Variants in HSD17B3 observed in about 807,000 individuals in gnomAD.
The protein encoded by HSD17B3 is 17-beta-hydroxysteroid dehydrogenase type 3.
In HSD17B3, 29 loss-of-function variants were observed where a neutral mutation model predicts 41.1. The observed-to-expected ratio is 0.71, with a 90% CI of 0.53 to 0.96. The LOEUF (loss-of-function observed/expected upper bound fraction) is 0.96. HSD17B3 is among the 40% of genes least tolerant of loss of function. HSD17B3 has a pLI of 0.00. For synonymous variants in HSD17B3, 126 were observed against 145.6 expected, an observed-to-expected ratio of 0.87 and a Z score of 0.97; for missense variants, 323 against 374.6, an observed-to-expected ratio of 0.86 and a Z score of 1.14.
chr9:96,236,807 T>C (rs576566777), intron 10 of HSD17B3, among the ~76,000 whole-genome samples: 1 of 152,036 alleles, frequency 6.6e-6, no homozygotes, highest in Admixed American at 6.6e-5. Flanking sequence ...AGTTCTGGGG[T>C]CCAGGACCCC....
chr9:96,285,789 T>G (rs1004906790), intron 2 of HSD17B3, among the ~76,000 whole-genome samples: 1 of 152,182 alleles, frequency 6.6e-6, no homozygotes, highest in Non-Finnish European at 1.5e-5. Context: ...AGCAGGAATA[T>G]CATTGCCCCT....
intron 2 of HSD17B3, among the ~76,000 whole-genome samples, chr9:96,280,679 C>T (rs1826656219): frequency 6.6e-6 from 1 of 152,114 alleles, no homozygotes; most frequent in African/African-American, 2.4e-5. Flanking sequence ...TGAAATGAGG[C>T]TGAGACCTAC....
intron 2 of HSD17B3, among the ~76,000 whole-genome samples, chr9:96,260,394 G>A (rs1825815216): frequency 6.6e-6 from 1 of 152,178 alleles, no homozygotes; most frequent in Admixed American, 6.5e-5. Flanking sequence ...TTATGGCAGT[G>A]AAAGAGATCT....
chr9:96,284,135 T>C (rs1826812953), intron 2 of HSD17B3, among the ~76,000 whole-genome samples: 1 of 149,272 alleles, frequency 6.7e-6, no homozygotes, highest in African/African-American at 2.5e-5. Context: ...GGCAGGAGAA[T>C]TGCTTGAACC....
At chr9:96,264,332 G>A (rs576477059) in intron 2 of HSD17B3, among the ~76,000 whole-genome samples, 1 of 152,072 alleles carries the variant, frequency 6.6e-6, no homozygotes, top group African/African-American at 2.4e-5. Flanking sequence ...GAATAGAAAT[G>A]GGGGGTGGGA....
chr9:96,254,432 T>TA (rs1825546112), intron 3 of HSD17B3, among the ~76,000 whole-genome samples: 1 of 152,236 alleles, frequency 6.6e-6, no homozygotes, highest in Non-Finnish European at 1.5e-5. Flanking sequence ...TAATTATTTT[T>TA]AAAATTCAGC....
In HSD17B3 at chr9:96,250,625, G is replaced by A. The variant is rs558679052; in HGVS notation, c.453+793C>T. 27 of 280,152 alleles carry A rather than the reference G, an allele frequency of 9.6e-5. 1 individual carries two copies. In the South Asian group the frequency reaches 3.3e-3, roughly 34 times the overall value. 17.4% of individuals were successfully genotyped at this position (280,152 alleles called of 1,614,324 possible). ...AATGCGGCCGGGCGCAGTGGTTCAC[G>A]CCTGTCATCCCAGCACTTTGGGAGG... On this transcript the variant is annotated intron_variant, in intron 5 of 10. Transcript: ENST00000375263.
At chr9:96,251,961 T>C (rs1481751180) in intron 4 of HSD17B3, among the ~76,000 whole-genome samples, 1 of 152,230 alleles carries the variant, frequency 6.6e-6, no homozygotes, top group African/African-American at 2.4e-5. Flanking sequence ...ATTTTTAAAA[T>C]TCAGCAGAAG....
intron 2 of HSD17B3, among the ~76,000 whole-genome samples, chr9:96,277,311 A>G (rs1313124407): frequency 6.6e-6 from 1 of 152,248 alleles, no homozygotes; most frequent in African/African-American, 2.4e-5. Flanking sequence ...TTTGCCAACT[A>G]CATGTCTGAT....
intron 2 of HSD17B3, among the ~76,000 whole-genome samples, chr9:96,276,667 C>A (rs938287576): frequency 1.3e-5 from 2 of 152,136 alleles, no homozygotes; most frequent in Non-Finnish European, 2.9e-5. Flanking sequence ...AAGATAGTCT[C>A]TTCAACAAAT....
chr9:96,256,202 T>C (rs1187274216), intron 2 of HSD17B3: 1 of 152,198 alleles, frequency 6.6e-6, no homozygotes, highest in Non-Finnish European at 1.5e-5. Flanking sequence ...CATAACAAAA[T>C]CTACCACCTT....
chr9:96,282,839 T>C (rs1564056062), intron 2 of HSD17B3, among the ~76,000 whole-genome samples: 1 of 152,178 alleles, frequency 6.6e-6, no homozygotes, highest in Non-Finnish European at 1.5e-5. Flanking sequence ...GATTAAAAGG[T>C]TAAAAGTTTA....
At chr9:96,284,868 T>C (rs1302920945) in intron 2 of HSD17B3, among the ~76,000 whole-genome samples, 1 of 150,900 alleles carries the variant, frequency 6.6e-6, no homozygotes, top group Non-Finnish European at 1.5e-5. Context: ...AAACGGAGTC[T>C]TGCTCTGTCG....
chr9:96,238,942 G>A (rs1475228457), intron 10 of HSD17B3, among the ~76,000 whole-genome samples: 1 of 152,232 alleles, frequency 6.6e-6, no homozygotes, highest in Non-Finnish European at 1.5e-5. Context: ...GGTTTTTCCA[G>A]CTTCCTTCAG....
At chr9:96,251,318 G>T in intron 5 of HSD17B3, 100 bp downstream of exon 5, 1 of 963,938 alleles carries the variant, frequency 1.0e-6, no homozygotes, top group Non-Finnish European at 1.7e-6. Context: ...TCGGCCAGAT[G>T]CATGCTTCCA....
At position 96,245,442 on chromosome 9, in the gene HSD17B3, G is replaced by A. The variant is rs930325221; in HGVS notation, c.525-16C>T. 4.4e-6 allele frequency: 7 copies of A among 1,604,956 alleles called. No individual in the cohort carries two copies. The highest frequency in any genetic ancestry group is 2.7e-5 in the African/African-American group (2 of 74,870). The stretch of plus-strand genomic sequence containing the variant: ...ACCTTTCTGCCTGAAAGGCAAAGAA[G>A]CAAAGTTCCCATGGCTTTGTTGCCC... On this transcript the variant is annotated splice_polypyrimidine_tract_variant and intron_variant, in intron 7 of 10. Coordinates refer to ENST00000375263, the MANE Select transcript of HSD17B3 (RefSeq NM_000197.2).
At position 96,270,269 on chromosome 9, in the gene HSD17B3, C is replaced by G. The variant is rs554637869; in HGVS notation, c.202-15326G>C. ...ACATACACACACACACACACACACA[C>G]AGAGAGAGAGAGAGAGAGAGACAGA... On this transcript the variant is annotated intron_variant, in intron 2 of 10. Coordinates refer to ENST00000375263, the MANE Select transcript of HSD17B3 (RefSeq NM_000197.2). Among the ~76,000 whole-genome samples the G allele has an allele frequency of 5.6e-3, 840 of 150,872 alleles. 8 individuals are homozygous for G. Among genetic ancestry groups the G allele is most frequent in the African/African-American group, 0.017 (710 of 41,022 alleles).
At position 96,280,897 on chromosome 9, in the gene HSD17B3, T is replaced by C. The variant is rs987782505; in HGVS notation, c.201+17519A>G. ...CACCAGCGCCGTGACAGTTTACAAA[T>C]GCCAGGGCAATGTCAGGAAGTTATC... On this transcript the variant is annotated intron_variant, in intron 2 of 10. Transcript: ENST00000375263. 6.6e-5 allele frequency among the ~76,000 whole-genome samples: 10 copies of C among 152,156 alleles called. 1 individual carries two copies. Among genetic ancestry groups the C allele is most frequent in the Admixed American group, 1.3e-4 (2 of 15,278 alleles).
At chr9:96,254,826 G>C (rs1293937837) in intron 3 of HSD17B3, 42 bp downstream of exon 3, 8 of 1,544,446 alleles carry the variant, frequency 5.2e-6, no homozygotes, top group Non-Finnish European at 7.2e-6. Context: ...GGCTTGGTTG[G>C]AGGGCTCCAC....
Sources: allele counts gnomAD v4.1 joint callset (sites outside exome capture counted in the v4.1 genomes callset), GRCh38; gene constraint gnomAD v4.1.1; transcripts MANE v1.5; gene names NCBI Gene and HGNC (gene_info 2026-07-23, HGNC 2026-07-21).